The following PCDHA1 variants were observed in gnomAD, a reference collection of about 807,000 sequenced individuals.
PCDHA1 encodes protocadherin alpha 1.
A neutral mutation model predicts 61.3 loss-of-function variants in PCDHA1; 42 were observed. The observed-to-expected ratio is 0.69, with a 90% CI of 0.54 to 0.89. The LOEUF is 0.89. Ranked by LOEUF, PCDHA1 falls within the 40% of genes least tolerant of loss-of-function variation. PCDHA1 has a pLI of 0.00. For synonymous variants in PCDHA1, 610 were observed against 553.8 expected (o/e 1.10, Z -1.43); for missense variants, 1,256 against 1,235.3 (o/e 1.02, Z -0.25).
At position 140,787,345 on chromosome 5, in the gene PCDHA1, T is replaced by C. The variant is rs782483991; in HGVS notation, c.1055T>C (p.Val352Ala). Residue 352 changes from valine to alanine, a missense_variant, in exon 1 of 4, where the codon GTC becomes GCC. Transcript: ENST00000504120. The part of the protein sequence containing the change: ...DVNDNAPELA[V>A]TSLYLPIRED... ...AATGATAATGCTCCAGAACTGGCGG[T>C]CACTTCATTGTATTTGCCTATCAGA... The C allele has an allele frequency of 1.2e-6, 2 of 1,614,154 alleles. No individual in the cohort carries two copies. Among genetic ancestry groups the C allele is most frequent in the Admixed American group, 1.7e-5 (1 of 60,018 alleles).
chr5:140,802,325 C>G lies in PCDHA1; in HGVS notation c.2394+13641C>G, dbSNP rs1554122039. ...TCATCGCTCTGATCAGCGTGTCCGACCGCGACTCAGGAGTCAATGGACAGG... is the reference window on the plus strand; with the variant it reads ...TCATCGCTCTGATCAGCGTGTCCGAGCGCGACTCAGGAGTCAATGGACAGG... On this transcript the variant is annotated intron_variant, in intron 1 of 3. Transcript: ENST00000504120. The G allele has an allele frequency of 1.9e-6, 3 of 1,614,134 alleles. No individual in the cohort carries two copies. In the African/African-American group the frequency reaches 4.0e-5, roughly 22 times the overall value.
At chr5:140,902,933 T>C (rs898632295) in intron 1 of PCDHA1, among the ~76,000 whole-genome samples, 56 of 152,346 alleles carry the variant, frequency 3.7e-4, no homozygotes, top group African/African-American at 1.2e-3. Flanking sequence ...GGTGTATATA[T>C]ACCACATTTT....
intron 1 of PCDHA1, chr5:140,847,941 A>G (rs923253393): frequency 3.3e-5 from 5 of 151,238 alleles, no homozygotes; most frequent in African/African-American, 1.2e-4. Flanking sequence ...CAACTCCTGG[A>G]TTTCTCTTAC....
At chr5:140,802,506 G>A (rs533106648) in intron 1 of PCDHA1, 1 of 1,614,180 alleles carries the variant, frequency 6.2e-7, no homozygotes, top group African/African-American at 1.3e-5. Flanking sequence ...TTCACTGTGG[G>A]CCACGGCCAG....
At chr5:140,805,701 T>C in intron 1 of PCDHA1, 1 of 651,486 alleles carries the variant, frequency 1.5e-6, no homozygotes, top group Non-Finnish European at 1.9e-6. Context: ...TTACCAAGAA[T>C]TAGAATAAAA....
At chr5:141,006,423 C>T (rs1554260738) in intron 3 of PCDHA1, among the ~76,000 whole-genome samples, 1 of 152,060 alleles carries the variant, frequency 6.6e-6, no homozygotes, top group African/African-American at 2.4e-5. Context: ...CTGTGTTAGC[C>T]AGGATGGTCT....
At chr5:140,868,887 GGC>G in intron 1 of PCDHA1, 1 of 740,170 alleles carries the variant, frequency 1.4e-6, no homozygotes, top group Non-Finnish European at 2.1e-6. Context: ...CACAGTTTTA[GGC>G]GCAAGGTGTC....
chr5:140,797,467 C>G (rs782707263), intron 1 of PCDHA1: 1 of 1,245,234 alleles, frequency 8.0e-7, no homozygotes, highest in African/African-American at 1.5e-5. Context: ...ATCATCCTAC[C>G]GTGCGATTTT....
intron 1 of PCDHA1, among the ~76,000 whole-genome samples, chr5:140,845,577 T>C (rs2150380022): frequency 1.3e-5 from 2 of 149,706 alleles, no homozygotes; most frequent in East Asian, 1.9e-4. Context: ...ATTTCTGGGA[T>C]TGAAATGTGT....
intron 1 of PCDHA1, chr5:140,929,120 A>G (rs781922658): frequency 6.2e-7 from 1 of 1,614,062 alleles, no homozygotes; most frequent in East Asian, 2.2e-5. Flanking sequence ...GCCACCATAG[A>G]TGTCACTACA....
intron 1 of PCDHA1, chr5:140,860,566 A>G (rs1385735814): frequency 6.6e-6 from 1 of 152,224 alleles, no homozygotes; most frequent in Non-Finnish European, 1.5e-5. Context: ...GGTACTGATC[A>G]TACACAAGAA....
intron 1 of PCDHA1, chr5:140,882,941 A>G (rs2059372388): frequency 6.2e-7 from 1 of 1,614,128 alleles, no homozygotes; most frequent in African/African-American, 1.3e-5. Context: ...GCTGACTGGC[A>G]CAGTTCAGCT....
chr5:140,962,944 G>T (rs572517623), intron 1 of PCDHA1, among the ~76,000 whole-genome samples: 1 of 152,158 alleles, frequency 6.6e-6, no homozygotes, highest in East Asian at 1.9e-4. Flanking sequence ...CTCTCCATAA[G>T]ATATGCTCTA....
chr5:140,801,269 G>C (rs1305724036), intron 1 of PCDHA1: 5 of 1,613,586 alleles, frequency 3.1e-6, no homozygotes, highest in African/African-American at 1.3e-5. Flanking sequence ...TCGCAGCCTC[G>C]GAGGTGGGGA....
chr5:140,907,708 C>T (rs1477501652), intron 1 of PCDHA1, among the ~76,000 whole-genome samples: 1 of 152,142 alleles, frequency 6.6e-6, no homozygotes, highest in East Asian at 1.9e-4. Flanking sequence ...TGTTGCTGAG[C>T]CCATGTGTAA....
At chr5:140,813,158 C>T (rs1765237806) in intron 1 of PCDHA1, 1 of 152,146 alleles carries the variant, frequency 6.6e-6, no homozygotes, top group Non-Finnish European at 1.5e-5. Flanking sequence ...AGTTCCATTT[C>T]AGCTATAGTG....
intron 1 of PCDHA1, among the ~76,000 whole-genome samples, chr5:140,939,170 A>G (rs1554212590): frequency 2.0e-5 from 3 of 152,136 alleles, no homozygotes; most frequent in Admixed American, 1.3e-4. Context: ...GTGTCTGGTA[A>G]TGGCCCACTC....
chr5:141,010,696 C>A lies in PCDHA1; in HGVS notation c.*759C>A. ...AAACAGAAGCAGATCTGATGTGTTT[C>A]CTATACATGTCCTGTGCTCACTTTA... On this transcript the variant is annotated 3_prime_UTR_variant, in exon 4 of 4. Transcript: ENST00000504120. The A allele has an allele frequency of 6.3e-6, 1 of 159,082 alleles. No individual in the cohort carries two copies. The highest frequency in any genetic ancestry group is 1.4e-5 in the Non-Finnish European group (1 of 71,522). 9.9% of individuals were successfully genotyped at this position (159,082 alleles called of 1,614,324 possible).
intron 1 of PCDHA1, chr5:140,870,784 G>T (rs374163229): frequency 3.1e-6 from 5 of 1,613,574 alleles, no homozygotes; most frequent in Non-Finnish European, 4.2e-6. Context: ...GAACGACAAC[G>T]CGCCGGCACT....
Sources: gnomAD v4.1 joint callset for allele counts (sites outside exome capture counted in the v4.1 genomes callset) on GRCh38, gnomAD v4.1.1 for gene constraint, MANE v1.5 for transcripts, NCBI Gene and HGNC (gene_info 2026-07-23, HGNC 2026-07-21) for gene names.